The following WDHD1 variants were observed in gnomAD, a reference collection of about 807,000 sequenced individuals.
The protein encoded by WDHD1 is WD repeat and HMG-box DNA-binding protein 1.
In WDHD1, 111 loss-of-function variants were observed where a neutral mutation model predicts 135.4. That is an observed-to-expected ratio of 0.82 (90% CI 0.70 to 0.96). The LOEUF (loss-of-function observed/expected upper bound fraction) is 0.96, where lower values mean the gene tolerates loss of function less well. Ranked by LOEUF, WDHD1 falls within the 40% of genes least tolerant of loss-of-function variation. The pLI is 0.00. For synonymous variants in WDHD1, 434 were observed against 439.0 expected (o/e 0.99, Z 0.14); for missense variants, 1,351 against 1,336.3 (o/e 1.01, Z -0.17).
intron 2 of WDHD1, among the ~76,000 whole-genome samples, chr14:55,014,264 A>C (rs537638950): frequency 6.6e-6 from 1 of 152,158 alleles, no homozygotes; most frequent in African/African-American, 2.4e-5. Context: ...TGGCTAATTT[A>C]TTTTTTGTAG....
At chr14:55,026,207 G>C (rs771657965) in intron 2 of WDHD1, among the ~76,000 whole-genome samples, 1 of 152,032 alleles carries the variant, frequency 6.6e-6, no homozygotes, top group Non-Finnish European at 1.5e-5. Flanking sequence ...CCGTGCAATC[G>C]AGCAGTAGTG....
intron 24 of WDHD1, among the ~76,000 whole-genome samples, chr14:54,948,910 G>A (rs2040984564): frequency 6.6e-6 from 1 of 152,196 alleles, no homozygotes; most frequent in Non-Finnish European, 1.5e-5. Context: ...TGGGCCTCCA[G>A]CAAACTCCAA....
At chr14:54,949,138 C>T (rs1326224798) in intron 24 of WDHD1, among the ~76,000 whole-genome samples, 2 of 152,224 alleles carry the variant, frequency 1.3e-5, no homozygotes, top group African/African-American at 2.4e-5. Context: ...AGCAACGGAA[C>T]AAAGCTGGAC....
chr14:54,968,106 T>C (rs2041374927), intron 16 of WDHD1, among the ~76,000 whole-genome samples: 2 of 152,202 alleles, frequency 1.3e-5, no homozygotes, highest in South Asian at 4.1e-4. Context: ...GTCAACCACA[T>C]GCTTGGCCGT....
intron 16 of WDHD1, among the ~76,000 whole-genome samples, chr14:54,968,790 C>T (rs1346175929): frequency 6.6e-6 from 1 of 152,078 alleles, no homozygotes; most frequent in Admixed American, 6.5e-5. Context: ...CCTGTAATCC[C>T]AATACTTTTG....
At chr14:55,018,537 T>C (rs1448884686) in intron 2 of WDHD1, among the ~76,000 whole-genome samples, 2 of 152,180 alleles carry the variant, frequency 1.3e-5, no homozygotes, top group African/African-American at 2.4e-5. Flanking sequence ...AAAAGAATCA[T>C]AGACAACTTG....
At chr14:55,026,688 C>A in intron 2 of WDHD1, 23 bp downstream of exon 2, 1 of 1,612,734 alleles carries the variant, frequency 6.2e-7, no homozygotes, top group Non-Finnish European at 8.5e-7. Flanking sequence ...GCACCTAAAA[C>A]GTTGTTTCTC....
At chr14:54,999,097 A>T (rs954100928) in intron 10 of WDHD1, among the ~76,000 whole-genome samples, 1 of 152,192 alleles carries the variant, frequency 6.6e-6, no homozygotes, top group Non-Finnish European at 1.5e-5. Context: ...AATTCCCCAA[A>T]GATGATTTTT....
At chr14:54,993,838 G>T (rs2041833901) in intron 11 of WDHD1, among the ~76,000 whole-genome samples, 1 of 151,848 alleles carries the variant, frequency 6.6e-6, no homozygotes, top group East Asian at 1.9e-4. Context: ...TTAAATTTCT[G>T]AATTTTAATT....
intron 7 of WDHD1, among the ~76,000 whole-genome samples, chr14:55,007,019 G>A (rs2042081639): frequency 6.6e-6 from 1 of 151,950 alleles, no homozygotes; most frequent in South Asian, 2.1e-4. Flanking sequence ...CTGAGCTCAG[G>A]AGTTCGAGAC....
intron 15 of WDHD1, among the ~76,000 whole-genome samples, chr14:54,982,119 G>A (rs1011251994): frequency 5.3e-5 from 8 of 151,752 alleles, no homozygotes; most frequent in Non-Finnish European, 1.2e-4. Flanking sequence ...CCATTCTCCT[G>A]CCTCAGCCTC....
intron 2 of WDHD1, among the ~76,000 whole-genome samples, chr14:55,017,001 T>C (rs564027426): frequency 7.9e-5 from 12 of 152,330 alleles, no homozygotes; most frequent in African/African-American, 2.4e-4. Flanking sequence ...GAGTTTTAAA[T>C]AGAAAATCGC....
At chr14:54,946,061 T>G (rs1451523426) in intron 24 of WDHD1, among the ~76,000 whole-genome samples, 1 of 152,118 alleles carries the variant, frequency 6.6e-6, no homozygotes, top group Non-Finnish European at 1.5e-5. Context: ...TCAAAACAAG[T>G]AAAAATCAAG....
At chr14:55,001,213 G>A (rs1290183838) in intron 8 of WDHD1, among the ~76,000 whole-genome samples, 1 of 151,796 alleles carries the variant, frequency 6.6e-6, no homozygotes, top group Admixed American at 6.6e-5. Flanking sequence ...TAACATTCAA[G>A]TATCACTACC....
chr14:55,008,559 T>C (rs1195823169), intron 5 of WDHD1, 49 bp downstream of exon 5: 3 of 1,530,122 alleles, frequency 2.0e-6, no homozygotes, highest in Non-Finnish European at 2.7e-6. Flanking sequence ...GAAATATATT[T>C]TTAAACATAT....
chr14:55,001,401 C>T (rs867165865), intron 8 of WDHD1, among the ~76,000 whole-genome samples: 1 of 152,166 alleles, frequency 6.6e-6, no homozygotes, highest in Non-Finnish European at 1.5e-5. Context: ...GCTAGGGCTA[C>T]AGGCATGCAC....
chr14:54,966,164 TA>T (rs34071862), intron 18 of WDHD1, among the ~76,000 whole-genome samples: 21 of 67,184 alleles, frequency 3.1e-4, no homozygotes, highest in African/African-American at 9.7e-4. Context: ...CCATCTCTAC[TA>T]AAAAAAAAAA....
In WDHD1 at chr14:55,000,508, T is replaced by C. The variant is rs1375570569; in HGVS notation, c.937A>G (p.Ser313Gly). Residue 313 changes from serine (S) to glycine (G), a missense_variant, in exon 10 of 26, where the codon AGT becomes GGT. Physicochemically the swap from Ser to Gly is moderately conservative, Grantham distance 56. Around this residue, in one of 2 missense-constraint regions of WDHD1, gnomAD observed 1,330 missense variants for 1,296.1 expected, o/e 1.03. Coordinates refer to ENST00000360586, the MANE Select transcript of WDHD1 (RefSeq NM_007086.4). ...VCDPSGKTSS[S>G]KVSSRVEKDY... Reference sequence around the variant, plus strand: ...TGTACCATACTCCCTTTTACCTTACTGCTTGATGTCTTTCCACTGGGGTCA... The same window carrying C: ...TGTACCATACTCCCTTTTACCTTACCGCTTGATGTCTTTCCACTGGGGTCA... The C allele has an allele frequency of 1.9e-6, 3 of 1,602,840 alleles. No homozygotes were observed. In the African/African-American group the frequency reaches 4.0e-5, roughly 22 times the overall value.
At chr14:54,968,629 G>C (rs2041382756) in intron 16 of WDHD1, among the ~76,000 whole-genome samples, 1 of 152,046 alleles carries the variant, frequency 6.6e-6, no homozygotes, top group African/African-American at 2.4e-5. Context: ...GATTAACAAA[G>C]AAAAGAAGAG....
Sources: gnomAD v4.1 joint callset for allele counts (sites outside exome capture counted in the v4.1 genomes callset) on GRCh38, gnomAD v4.1.1 for gene constraint, gnomAD v4.1.1 regional missense constraint, MANE v1.5 for transcripts, NCBI Gene and HGNC (gene_info 2026-07-23, HGNC 2026-07-21) for gene names.